PCDHGA1: variants seen among roughly 807,000 people sequenced by gnomAD.
The protein encoded by PCDHGA1 is protocadherin gamma subfamily A, 1.
In PCDHGA1, 32 loss-of-function variants were observed where a neutral mutation model predicts 58.0. The ratio of observed to expected loss-of-function variants is 0.55; its 90% CI spans 0.42 to 0.74. PCDHGA1 has a LOEUF of 0.74. Among genes scored for constraint, PCDHGA1 ranks in the 30% least tolerant of loss-of-function variants. The pLI, the probability that PCDHGA1 is intolerant of heterozygous loss-of-function variation, is 0.00. For synonymous variants in PCDHGA1, 498 were observed against 501.1 expected (o/e 0.99, Z 0.08); for missense variants, 1,205 against 1,182.3 (o/e 1.02, Z -0.28).
At chr5:141,399,125 T>C in intron 1 of PCDHGA1, 1 of 1,613,834 alleles carries the variant, frequency 6.2e-7, no homozygotes, top group South Asian at 1.1e-5. Context: ...GAAATTAATA[T>C]TCAAGATGAA....
rs148279287 is a variant in PCDHGA1 at position 141,389,277 on chromosome 5, C to T, written c.2421+56172C>T. ...AGTCCACGTGGCCGAGAACAACCCG[C>T]CTGGAGCCTCTATTTCACAAGTCAG... On this transcript the variant is annotated intron_variant, in intron 1 of 3. Transcript: ENST00000517417. 7,343 of 1,614,014 alleles carry T rather than the reference C, an allele frequency of 4.5e-3. 34 individuals are homozygous for T. Among genetic ancestry groups the T allele is most frequent in the Middle Eastern group, 0.015 (93 of 6,062 alleles).
chr5:141,393,922 G>C (rs750880965), intron 1 of PCDHGA1: 16 of 1,613,832 alleles, frequency 9.9e-6, no homozygotes, highest in Middle Eastern at 1.6e-4. Context: ...GCCTTCTTGA[G>C]TGTGCATGAC....
At position 141,493,412 on chromosome 5, in the gene PCDHGA1, G is replaced by A. The variant is rs1288041038; in HGVS notation, c.2422-1395G>A. Among the ~76,000 whole-genome samples, 3 of 152,114 alleles carry A rather than the reference G, an allele frequency of 2.0e-5. No individual in the cohort carries two copies. The highest frequency in any genetic ancestry group is 4.4e-5 in the Non-Finnish European group (3 of 68,024). On this transcript the variant is annotated intron_variant, in intron 1 of 3. Coordinates refer to ENST00000517417, the MANE Select transcript of PCDHGA1 (RefSeq NM_018912.3). This position sits in a 1 kb window ranked among gnomAD's most constrained non-coding sequence, Gnocchi z 4.3. ...CAGGAGAGGGGAGTTGCCTCTGCTG[G>A]GATTTTGCTTCTGCTGGGATGGGGC...
At position 141,477,687 on chromosome 5, in the gene PCDHGA1, C is replaced by A. The variant is rs1206813120; in HGVS notation, c.2422-17120C>A. The A allele has an allele frequency of 5.6e-6, 9 of 1,614,022 alleles. No homozygotes were observed. The highest frequency in any genetic ancestry group is 7.6e-6 in the Non-Finnish European group (9 of 1,180,040). ...AATGGCATAGTGTCATCCTTAGTGC[C>A]CCTAGACTATGAGGATCGGCGGGAA... On this transcript the variant is annotated intron_variant, in intron 1 of 3. Coordinates refer to ENST00000517417, the MANE Select transcript of PCDHGA1 (RefSeq NM_018912.3). This position sits in a 1 kb window ranked among gnomAD's most constrained non-coding sequence, Gnocchi z 4.9.
chr5:141,364,666 CA>C (rs747851632), intron 1 of PCDHGA1: 66 of 1,614,024 alleles, frequency 4.1e-5, no homozygotes, highest in Non-Finnish European at 5.3e-5. Context: ...TGGTTGAGAA[CA>C]AAATGAAAAT....
Position 141,376,335 on chromosome 5 carries a change from A to G in PCDHGA1, c.2421+43230A>G, listed in dbSNP as rs754863044. On this transcript the variant is annotated intron_variant, in intron 1 of 3. Coordinates refer to ENST00000517417, the MANE Select transcript of PCDHGA1 (RefSeq NM_018912.3). ...GTGGAAGGGGTTCGGGCTTTCCTGCAGACCTATTCCCACGAGGTCTCACTC... is the reference window on the plus strand; with the variant it reads ...GTGGAAGGGGTTCGGGCTTTCCTGCGGACCTATTCCCACGAGGTCTCACTC... 9 of 1,614,080 alleles carry G rather than the reference A, an allele frequency of 5.6e-6. No individual in the cohort carries two copies. The East Asian group carries it at 6.7e-5, about 12-fold the overall frequency.
At chr5:141,355,370 G>C (rs756032397) in intron 1 of PCDHGA1, 2 of 1,614,036 alleles carry the variant, frequency 1.2e-6, no homozygotes, top group Non-Finnish European at 1.7e-6. Flanking sequence ...TTGGCGCCCC[G>C]GGAGCTGGCG....
intron 1 of PCDHGA1, among the ~76,000 whole-genome samples, chr5:141,347,070 CCTCT>C (rs1318040353): frequency 4.9e-5 from 7 of 144,160 alleles, no homozygotes; most frequent in South Asian, 2.2e-4. Context: ...TTCCTTCCTT[CCTCT>C]CTCTCTTTCC....
chr5:141,370,433 G>A, intron 1 of PCDHGA1: 1 of 1,601,376 alleles, frequency 6.2e-7, no homozygotes, highest in Non-Finnish European at 8.5e-7. Flanking sequence ...CAGCAGGGCA[G>A]AGGCGAATGC....
rs773601370 is a variant in PCDHGA1, at chr5:141,355,595, G to A, written c.2421+22490G>A. On this transcript the variant is annotated intron_variant, in intron 1 of 3. Transcript: ENST00000517417. Reference sequence around the variant, plus strand: ...ATCGATGTTAATGATAACCCACCCAGTTTTGGGACAGAACAGAGGGAAATA... The same window carrying A: ...ATCGATGTTAATGATAACCCACCCAATTTTGGGACAGAACAGAGGGAAATA... The A allele has an allele frequency of 2.2e-5, 35 of 1,613,884 alleles. No individual in the cohort carries two copies. Among genetic ancestry groups the A allele is most frequent in the Non-Finnish European group, 2.9e-5 (34 of 1,179,882 alleles).
rs369206085 is a variant in PCDHGA1 at position 141,490,515 on chromosome 5, G to A, written c.2422-4292G>A. On this transcript the variant is annotated intron_variant, in intron 1 of 3. Transcript: ENST00000517417. The surrounding 1 kb of genome is among the most constrained non-coding windows in gnomAD (Gnocchi z 5.4). ...CATCCCACTATATCATCGAGCTGCT[G>A]GCCAGCGATGCTGGTTCACCTTCCC... The A allele has an allele frequency of 2.3e-5, 37 of 1,613,840 alleles. No individual in the cohort carries two copies. In the Middle Eastern group the frequency reaches 1.2e-3, roughly 50 times the overall value.
intron 1 of PCDHGA1, chr5:141,357,046 C>T: frequency 6.2e-7 from 1 of 1,614,054 alleles, no homozygotes; most frequent in Non-Finnish European, 8.5e-7. Context: ...CGAGCCGGGA[C>T]TATTTGCAGT....
chr5:141,492,553 G>C (rs1184580300), intron 1 of PCDHGA1, among the ~76,000 whole-genome samples: 1 of 152,148 alleles, frequency 6.6e-6, no homozygotes, highest in Non-Finnish European at 1.5e-5. Flanking sequence ...CGGGTCGCCT[G>C]GGGGGCGGCC....
intron 1 of PCDHGA1, among the ~76,000 whole-genome samples, chr5:141,443,070 T>C (rs983773796): frequency 6.6e-6 from 1 of 152,244 alleles, no homozygotes; most frequent in African/African-American, 2.4e-5. Flanking sequence ...GAGCGTCTTA[T>C]GACTGAGTGT....
In PCDHGA1 at chr5:141,337,656, A is replaced by C. The variant is rs1487033234; in HGVS notation, c.2421+4551A>C. Among the ~76,000 whole-genome samples, 3 of 152,300 alleles carry C rather than the reference A, an allele frequency of 2.0e-5. 1 individual carries two copies. Among genetic ancestry groups the C allele is most frequent in the Middle Eastern group, 6.8e-3 (2 of 294 alleles). ...GGGAGTTGCTATTTAATAAGTACAG[A>C]GTTTCAGTTGGGGAGGATGAAAAAG... On this transcript the variant is annotated intron_variant, in intron 1 of 3. Coordinates refer to ENST00000517417, the MANE Select transcript of PCDHGA1 (RefSeq NM_018912.3).
rs779152008 is a variant in PCDHGA1 at position 141,331,027 on chromosome 5, A to G, written c.343A>G (p.Lys115Glu). The change falls in exon 1 of 4, where the codon AAG (lysine) becomes GAG (glutamate). Residue 115 changes from lysine to glutamate, a missense_variant. Transcript: ENST00000517417. Reference sequence around the variant, plus strand: ...TAATATCCTTGTTGAGGATAAAATGAAGCTTTTTCCTGTTGAAGTAGAAAT... The same window carrying G: ...TAATATCCTTGTTGAGGATAAAATGGAGCTTTTTCCTGTTGAAGTAGAAAT... Reference protein sequence around the residue: ...SFNILVEDKMKLFPVEVEIID... With the variant: ...SFNILVEDKMELFPVEVEIID... The G allele has an allele frequency of 4.0e-5, 65 of 1,614,088 alleles. No homozygotes were observed. Among genetic ancestry groups the G allele is most frequent in the Non-Finnish European group, 5.3e-5 (63 of 1,180,044 alleles).
intron 1 of PCDHGA1, chr5:141,382,982 C>A (rs1778673770): frequency 6.2e-7 from 1 of 1,612,206 alleles, no homozygotes; most frequent in Non-Finnish European, 8.5e-7. Flanking sequence ...GAAGCCTGGG[C>A]AGGACGTATT....
At chr5:141,413,081 C>CAG in intron 1 of PCDHGA1, 1 of 1,339,426 alleles carries the variant, frequency 7.5e-7, no homozygotes, top group South Asian at 1.5e-5. Flanking sequence ...GCCCAGGCTA[C>CAG]AGAGACACCC....
At chr5:141,340,087 T>C (rs1321123984) in intron 1 of PCDHGA1, 7 of 1,613,970 alleles carry the variant, frequency 4.3e-6, no homozygotes, top group Non-Finnish European at 5.9e-6. Context: ...TTAATGTACA[T>C]GATAGAGACT....
Sources: allele counts gnomAD v4.1 joint callset (sites outside exome capture counted in the v4.1 genomes callset), GRCh38; gene constraint gnomAD v4.1.1; non-coding constraint Gnocchi (gnomAD v3.1); transcripts MANE v1.5; gene names NCBI Gene and HGNC (gene_info 2026-07-23, HGNC 2026-07-21).